MLIP: variants seen among roughly 807,000 people sequenced by gnomAD.
MLIP encodes the protein muscular LMNA interacting protein.
In MLIP, 79 loss-of-function variants were observed where a neutral mutation model predicts 84.8. The ratio of observed to expected loss-of-function variants is 0.93; its 90% CI spans 0.78 to 1.12. The LOEUF (loss-of-function observed/expected upper bound fraction) is 1.12, where lower values mean the gene tolerates loss of function less well. Ranked by LOEUF, MLIP falls within the 50% of genes most tolerant of loss-of-function variation. The probability of loss-of-function intolerance (pLI) is 0.00; values close to 1 mark genes in which losing one functional copy is unlikely to be tolerated. For missense variants in MLIP, 1,257 were observed against 1,160.6 expected (o/e 1.08, Z -1.21); for synonymous variants, 504 against 463.0 (o/e 1.09, Z -1.14).
At chr6:54,144,574 G>C (rs1474815379) in intron 4 of MLIP, among the ~76,000 whole-genome samples, 2 of 152,130 alleles carry the variant, frequency 1.3e-5, no homozygotes, top group African/African-American at 4.8e-5. Flanking sequence ...GTCACAATAG[G>C]GTTTGCACTC....
chr6:54,165,345 G>C (rs1194573090), intron 8 of MLIP, among the ~76,000 whole-genome samples: 4 of 151,886 alleles, frequency 2.6e-5, no homozygotes, highest in Non-Finnish European at 5.9e-5. Context: ...AGTCGTCATT[G>C]CTGAGAAGGG....
At chr6:54,222,380 C>T (rs1409483813) in intron 11 of MLIP, among the ~76,000 whole-genome samples, 1 of 151,920 alleles carries the variant, frequency 6.6e-6, no homozygotes, top group African/African-American at 2.4e-5. Context: ...TTTTCCCCTC[C>T]CCTCTGCCCC....
intron 1 of MLIP, among the ~76,000 whole-genome samples, chr6:54,088,577 G>A (rs1767650624): frequency 6.6e-6 from 1 of 152,122 alleles, no homozygotes; most frequent in Non-Finnish European, 1.5e-5. Context: ...GAGCAGACTG[G>A]CTTCTCAACT....
At chr6:54,220,373 C>T (rs531524449) in intron 11 of MLIP, among the ~76,000 whole-genome samples, 2 of 152,178 alleles carry the variant, frequency 1.3e-5, no homozygotes, top group Admixed American at 1.3e-4. Context: ...TAAAGTTTTA[C>T]TGAAGCAAAT....
At chr6:54,099,097 A>G (rs796780537) in intron 1 of MLIP, among the ~76,000 whole-genome samples, 5 of 152,362 alleles carry the variant, frequency 3.3e-5, no homozygotes, top group African/African-American at 1.2e-4. Flanking sequence ...TGTCAAGTGT[A>G]CTTAATGATC....
intron 3 of MLIP, 46 bp from the exon 4 acceptor site, chr6:54,136,669 C>T: frequency 7.2e-7 from 1 of 1,382,192 alleles, no homozygotes; most frequent in Non-Finnish European, 9.4e-7. Context: ...TTGATCGTTT[C>T]ACAAATAATG....
chr6:54,104,467 A>G (rs1439108813), intron 1 of MLIP, among the ~76,000 whole-genome samples: 1 of 152,122 alleles, frequency 6.6e-6, no homozygotes, highest in Non-Finnish European at 1.5e-5. Flanking sequence ...CTTTGAATAT[A>G]TTTTCAGGTC....
rs116446281 is a variant in MLIP, at chr6:54,098,590, C to T, written c.64-22857C>T. Among the ~76,000 whole-genome samples, 1,362 of 151,922 alleles carry T rather than the reference C, an allele frequency of 9.0e-3. 24 individuals are homozygous for T. Among genetic ancestry groups the T allele is most frequent in the African/African-American group, 0.03 (1,252 of 41,422 alleles). ...AAGGGACAAACAATATTTACAACAC[C>T]GAAGTTCAGGGGAAAAAAAGTCAAC... On this transcript the variant is annotated intron_variant, in intron 1 of 12. Transcript: ENST00000274897.
intron 13 of MLIP, among the ~76,000 whole-genome samples, chr6:54,258,611 A>G (rs1783177593): frequency 6.6e-6 from 1 of 152,028 alleles, no homozygotes; most frequent in South Asian, 2.1e-4. Flanking sequence ...TTATAATAAT[A>G]TCTGTCTCCA....
chr6:54,121,562 C>A lies in MLIP; in HGVS notation c.212C>A (p.Pro71Gln). Residue 71 changes from proline to glutamine, a missense_variant, in exon 2 of 14, where the codon CCA becomes CAA. By Grantham distance (76) the Pro-to-Gln change is moderately conservative. Coordinates refer to ENST00000502396, the MANE Select transcript of MLIP (RefSeq NM_001281747.2). ...ACCTCTAAATTCCTTGTTAAAATTC[C>A]AGAAGAATCAAGTGATAAGAGTCCA... ...ADTSKFLVKI[P>Q]EESSDKSPET... 1 of 1,613,550 alleles carries A rather than the reference C, an allele frequency of 6.2e-7. No homozygotes were observed. The highest frequency in any genetic ancestry group is 1.1e-5 in the South Asian group (1 of 91,016).
chr6:54,113,661 A>T (rs1317238006), intron 1 of MLIP, among the ~76,000 whole-genome samples: 1 of 151,786 alleles, frequency 6.6e-6, no homozygotes, highest in African/African-American at 2.4e-5. Context: ...TTCCTTTCAT[A>T]TACTCAGTCT....
At chr6:54,161,100 T>C (rs889083313) in intron 8 of MLIP, among the ~76,000 whole-genome samples, 2 of 152,000 alleles carry the variant, frequency 1.3e-5, no homozygotes, top group African/African-American at 2.4e-5. Context: ...TATTAGGCTA[T>C]GTTTTTTTTT....
intron 3 of MLIP, among the ~76,000 whole-genome samples, chr6:54,133,433 G>A (rs1204750908): frequency 6.6e-6 from 1 of 152,196 alleles, no homozygotes; most frequent in Non-Finnish European, 1.5e-5. Flanking sequence ...GACGACAAGG[G>A]AGAATCTGGG....
At chr6:54,200,273 G>C (rs1486261555) in intron 10 of MLIP, among the ~76,000 whole-genome samples, 2 of 152,072 alleles carry the variant, frequency 1.3e-5, no homozygotes, top group Non-Finnish European at 1.5e-5. Context: ...TCTGGCAGAG[G>C]TTATCCTACC....
chr6:54,075,779 A>G (rs1237193171), intron 1 of MLIP, among the ~76,000 whole-genome samples: 1 of 152,138 alleles, frequency 6.6e-6, no homozygotes. Flanking sequence ...CAGGTCACCA[A>G]GGTAGTTTTC....
intron 11 of MLIP, among the ~76,000 whole-genome samples, chr6:54,226,484 C>T (rs1780579147): frequency 6.6e-6 from 1 of 152,110 alleles, no homozygotes; most frequent in African/African-American, 2.4e-5. Context: ...CTCAAATAGC[C>T]TGATCCATGT....
intron 1 of MLIP, among the ~76,000 whole-genome samples, chr6:54,038,327 G>GTT (rs1334330605): frequency 6.6e-6 from 1 of 151,886 alleles, no homozygotes; most frequent in Non-Finnish European, 1.5e-5. Context: ...CATTCCTGAG[G>GTT]TTCTCTAGGA....
intron 9 of MLIP, among the ~76,000 whole-genome samples, chr6:54,182,901 A>G (rs1237688685): frequency 6.6e-6 from 1 of 152,340 alleles, no homozygotes; most frequent in South Asian, 2.1e-4. Flanking sequence ...TCTACATTTT[A>G]TAAATTACTT....
chr6:54,176,196 T>C (rs1776264506), intron 9 of MLIP, among the ~76,000 whole-genome samples: 1 of 152,022 alleles, frequency 6.6e-6, no homozygotes, highest in Non-Finnish European at 1.5e-5. Context: ...TTTCTTAGTT[T>C]GACGTATCTT....
Sources: gnomAD v4.1 joint callset for allele counts (sites outside exome capture counted in the v4.1 genomes callset) on GRCh38, gnomAD v4.1.1 for gene constraint, MANE v1.5 for transcripts, NCBI Gene and HGNC (gene_info 2026-07-23, HGNC 2026-07-21) for gene names.